Variants in PILRB observed in about 807,000 individuals in gnomAD.
PILRB encodes paired immunoglobin like type 2 receptor beta.
Under a neutral mutation model 20.5 loss-of-function variants are expected in PILRB, and 21 were observed. The ratio of observed to expected loss-of-function variants is 1.02; its 90% CI spans 0.72 to 1.47. The LOEUF is 1.47. Ranked by LOEUF, PILRB falls within the 40% of genes most tolerant of loss-of-function variation. The pLI, the probability that PILRB is intolerant of heterozygous loss-of-function variation, is 0.00. For synonymous variants in PILRB, 133 were observed against 115.1 expected (o/e 1.16, Z -0.99); for missense variants, 253 against 272.1 (o/e 0.93, Z 0.49).
At chr7:100,366,646 G>A (rs930323874) in intron 3 of PILRB, among the ~76,000 whole-genome samples, 1 of 152,050 alleles carries the variant, frequency 6.6e-6, no homozygotes, top group African/African-American at 2.4e-5. Context: ...CCAAGCATGA[G>A]GCTCCCAAGG....
In PILRB at chr7:100,359,481, A is replaced by G. The variant is rs188855658; in HGVS notation, c.599A>G (p.Lys200Arg). Residue 200 changes from lysine to arginine, a missense_variant, in exon 3 of 4, where the codon AAA becomes AGA. By Grantham distance (26) the Lys-to-Arg change is conservative. Transcript: ENST00000609309. Reference sequence around the variant, plus strand: ...GTTGCATTGGCTGTCGCTGTGCTCAAAACTGTCATTTTGGGACTGCTGTGC... The same window carrying G: ...GTTGCATTGGCTGTCGCTGTGCTCAGAACTGTCATTTTGGGACTGCTGTGC... ...IRVALAVAVL[K>R]TVILGLLCLL... The G allele has an allele frequency of 3.4e-5, 55 of 1,613,790 alleles. No individual in the cohort carries two copies. In the African/African-American group the frequency reaches 6.5e-4, roughly 19 times the overall value.
intron 3 of PILRB, among the ~76,000 whole-genome samples, chr7:100,364,547 A>G (rs977803699): frequency 6.6e-6 from 1 of 152,210 alleles, no homozygotes; most frequent in East Asian, 1.9e-4. Context: ...GCTCTTACAC[A>G]AGAACGATAG....
In PILRB at chr7:100,358,208, C is replaced by A. The variant is rs749060746; in HGVS notation, c.-95C>A. ...TGGGGAGCCTCACCCTGGCTCTCCC[C>A]ACTCACCTCAGCCCTCAGGCAGCCC... is the stretch of plus-strand genomic sequence containing the variant. On this transcript the variant is annotated 5_prime_UTR_variant, in exon 1 of 4. Transcript: ENST00000609309. The A allele has an allele frequency of 2.0e-6, 3 of 1,475,090 alleles. No individual in the cohort carries two copies. The highest frequency in any genetic ancestry group is 2.3e-5 in the East Asian group (1 of 44,280). The allele number at this position is 1,475,090 out of a possible 1,614,324, so 91.4% of individuals were successfully genotyped here.
At chr7:100,361,069 G>C (rs1278371304) in intron 3 of PILRB, among the ~76,000 whole-genome samples, 1 of 152,092 alleles carries the variant, frequency 6.6e-6, no homozygotes. Context: ...CTGAGTAGCT[G>C]GGACTACAGG....
Position 100,359,511 on chromosome 7 carries a change from T to C in PILRB, c.629T>C (p.Leu210Pro). 1 of 1,613,814 alleles carries C rather than the reference T, an allele frequency of 6.2e-7. No homozygotes were observed. The highest frequency in any genetic ancestry group is 8.5e-7 in the Non-Finnish European group (1 of 1,179,750). The change falls in exon 3 of 4, where the codon CTC becomes CCC. Residue 210 changes from leucine to proline, a missense_variant. Transcript: ENST00000609309. ...GTCATTTTGGGACTGCTGTGCCTCC[T>C]CCTCCTGTGGTGGAGGAGAAGGAAA... Reference protein sequence around the residue: ...KTVILGLLCLLLLWWRRRKGS... With the variant: ...KTVILGLLCLPLLWWRRRKGS...
At chr7:100,365,168 T>A (rs1790640429) in intron 3 of PILRB, among the ~76,000 whole-genome samples, 1 of 152,038 alleles carries the variant, frequency 6.6e-6, no homozygotes, top group Non-Finnish European at 1.5e-5. Context: ...CCCAGCTACT[T>A]CTTGCATTTT....
In PILRB at chr7:100,367,663, A is replaced by C. The variant is rs146430487; in HGVS notation, c.*286A>C. 1 of 455,656 alleles carries C rather than the reference A, an allele frequency of 2.2e-6. No individual in the cohort carries two copies. The highest frequency in any genetic ancestry group is 1.9e-5 in the African/African-American group (1 of 51,588). 28.2% of individuals were successfully genotyped at this position (455,656 alleles called of 1,614,324 possible). On this transcript the variant is annotated 3_prime_UTR_variant, in exon 4 of 4. Coordinates refer to ENST00000609309, the MANE Select transcript of PILRB (RefSeq NM_178238.4). The stretch of plus-strand genomic sequence containing the variant: ...AACCACTGGCATTTGGGGGCTGTTT[A>C]TTATAGCAGTGCAAAGAGTTCCTTT...
rs375918004 is a variant in PILRB at position 100,358,779 on chromosome 7, C to T, written c.154C>T (p.Pro52Ser). The change falls in exon 2 of 4, where the codon CCC (proline) becomes TCC (serine). Residue 52 changes from proline (P) to serine (S), a missense_variant. Pro to Ser is a moderately conservative substitution (Grantham distance 74). Coordinates refer to ENST00000609309, the MANE Select transcript of PILRB (RefSeq NM_178238.4). The part of the protein sequence containing the change: ...SASMGGSVEI[P>S]FSFYYPWELA... ...CTCCATGGGTGGCTCTGTGGAAATC[C>T]CCTTCTCCTTCTATTACCCCTGGGA... The T allele has an allele frequency of 1.2e-4, 191 of 1,613,730 alleles. No homozygotes were observed. The highest frequency in any genetic ancestry group is 1.6e-4 in the Non-Finnish European group (189 of 1,179,806).
At chr7:100,366,758 G>A (rs1790701453) in intron 3 of PILRB, among the ~76,000 whole-genome samples, 1 of 152,130 alleles carries the variant, frequency 6.6e-6, no homozygotes, top group Admixed American at 6.5e-5. Flanking sequence ...GGGAAGGGGA[G>A]GGAAGGAAGA....
intron 3 of PILRB, among the ~76,000 whole-genome samples, chr7:100,359,957 A>T (rs1284462696): frequency 2.0e-5 from 3 of 152,166 alleles, no homozygotes; most frequent in African/African-American, 7.2e-5. Context: ...CGGGAGGCAG[A>T]GGTTGCAGTG....
At chr7:100,365,408 A>T (rs769633278) in intron 3 of PILRB, among the ~76,000 whole-genome samples, 3 of 152,240 alleles carry the variant, frequency 2.0e-5, no homozygotes, top group African/African-American at 7.2e-5. Flanking sequence ...ATACTGTCTG[A>T]TTCCACTTAC....
chr7:100,367,195 G>A (rs1316144445), intron 3 of PILRB, among the ~76,000 whole-genome samples, 154 bp from the exon 4 acceptor site: 1 of 152,084 alleles, frequency 6.6e-6, no homozygotes, highest in Admixed American at 6.5e-5. Flanking sequence ...TGGAAATCAG[G>A]GACTGTGCTG....
chr7:100,367,413 C>T lies in PILRB; in HGVS notation c.*36C>T, dbSNP rs1790728968. 3.8e-6 allele frequency: 3 copies of T among 780,542 alleles called. No individual in the cohort carries two copies. Among genetic ancestry groups the T allele is most frequent in the Non-Finnish European group, 7.2e-6 (3 of 417,816 alleles). The allele number at this position is 780,542 out of a possible 1,614,324, so 48.4% of individuals were successfully genotyped here. On this transcript the variant is annotated 3_prime_UTR_variant, in exon 4 of 4. Coordinates refer to ENST00000609309, the MANE Select transcript of PILRB (RefSeq NM_178238.4). The stretch of plus-strand genomic sequence containing the variant: ...GTGGGGAGAAGGGATGTGTATTAGC[C>T]CCGGAGGACGTGATGTGAGACCCGC...
At position 100,367,359 on chromosome 7, in the gene PILRB, G is replaced by T; in HGVS notation, c.666G>T (p.Ala222=). ...CTTCCCCTCCTGCAGGTAGCAGGGC[G>T]CCAAGCAGTGACTTCTGACCAACAG... The part of the protein sequence containing the change: ...LWWRRRKGSR[A]PSSDF The change falls in exon 4 of 4, where the codon GCG becomes GCT. Residue 222 remains alanine (A), a synonymous_variant. Transcript: ENST00000609309. 1 of 780,942 alleles carries T rather than the reference G, an allele frequency of 1.3e-6. No individual in the cohort carries two copies. The highest frequency in any genetic ancestry group is 2.4e-6 in the Non-Finnish European group (1 of 418,036). The allele number at this position is 780,942 out of a possible 1,614,324, so 48.4% of individuals were successfully genotyped here. A position where few individuals can be genotyped will look rare whatever the true frequency, so the allele number is the denominator to read the frequency against.
At chr7:100,366,915 G>A (rs1448457477) in intron 3 of PILRB, among the ~76,000 whole-genome samples, 3 of 151,854 alleles carry the variant, frequency 2.0e-5, no homozygotes, top group Admixed American at 6.5e-5. Context: ...AGAACAGGTC[G>A]GGGGGGAGCC....
At chr7:100,362,729 G>A (rs1236676859) in intron 3 of PILRB, among the ~76,000 whole-genome samples, 5 of 151,912 alleles carry the variant, frequency 3.3e-5, no homozygotes, top group Non-Finnish European at 7.4e-5. Context: ...GGCTGGTCTC[G>A]AACTCCCGAC....
At position 100,363,272 on chromosome 7, in the gene PILRB, A is replaced by G. The variant is rs560185243; in HGVS notation, c.655+3735A>G. On this transcript the variant is annotated intron_variant, in intron 3 of 3. Coordinates refer to ENST00000609309, the MANE Select transcript of PILRB (RefSeq NM_178238.4). ...GCAGGTGACAAGATCTCATATGTAG[A>G]AAATCCTAAGTATTGCACAAAATTA... Among the ~76,000 whole-genome samples the G allele has an allele frequency of 6.8e-4, 104 of 152,340 alleles. 1 individual carries two copies. The highest frequency in any genetic ancestry group is 2.0e-3 in the African/African-American group (84 of 41,576).
Position 100,359,373 on chromosome 7 carries a change from C to A in PILRB, c.491C>A (p.Thr164Lys), listed in dbSNP as rs375567507. The part of the protein sequence containing the change: ...TTTTTWRPSS[T>K]TTIAGLRVTE... Reference sequence around the variant, plus strand: ...ACCACCACCTGGAGGCCCAGCAGCACAACCACCATAGCCGGCCTCAGGGTC... The same window carrying A: ...ACCACCACCTGGAGGCCCAGCAGCAAAACCACCATAGCCGGCCTCAGGGTC... Residue 164 changes from threonine (T) to lysine (K), a missense_variant, in exon 3 of 4, where the codon ACA (threonine) becomes AAA (lysine). Transcript: ENST00000609309. 9.9e-6 allele frequency: 16 copies of A among 1,614,190 alleles called. No individual in the cohort carries two copies. The highest frequency in any genetic ancestry group is 1.4e-5 in the Non-Finnish European group (16 of 1,180,032).
At position 100,358,167 on chromosome 7, in the gene PILRB, G is replaced by C. The variant is rs781031103; in HGVS notation, c.-136G>C. ...GTGTACTGGTTTGGGGAAGGTCCCC[G>C]GCCCCCACAGCCCTCTGGGGAGCCT... On this transcript the variant is annotated 5_prime_UTR_variant, in exon 1 of 4. Transcript: ENST00000609309. 1 of 957,036 alleles carries C rather than the reference G, an allele frequency of 1.0e-6. No homozygotes were observed. The highest frequency in any genetic ancestry group is 1.6e-6 in the Non-Finnish European group (1 of 613,026). The allele number at this position is 957,036 out of a possible 1,614,324, so 59.3% of individuals were successfully genotyped here.
Sources: allele counts gnomAD v4.1 joint callset (sites outside exome capture counted in the v4.1 genomes callset), GRCh38; gene constraint gnomAD v4.1.1; transcripts MANE v1.5; gene names NCBI Gene and HGNC (gene_info 2026-07-23, HGNC 2026-07-21).